Variants in BTAF1 observed in about 807,000 individuals in gnomAD.
BTAF1 encodes the protein TATA-binding protein-associated factor 172.
A neutral mutation model predicts 227.1 loss-of-function variants in BTAF1; 38 were observed. The observed-to-expected ratio is 0.17, with a 90% CI of 0.13 to 0.22. The LOEUF is 0.22. Ranked by LOEUF, BTAF1 falls within the 10% of genes least tolerant of loss-of-function variation. The pLI is 1.00. For synonymous variants in BTAF1, 742 were observed against 751.9 expected, an observed-to-expected ratio of 0.99 and a Z score of 0.21; for missense variants, 1,598 against 2,204.0, an observed-to-expected ratio of 0.73 and a Z score of 5.51.
Position 92,018,933 on chromosome 10 carries a change from C to A in BTAF1, c.4861C>A (p.Gln1621Lys). The A allele has an allele frequency of 1.3e-6, 2 of 1,561,978 alleles. No individual in the cohort carries two copies. The highest frequency in any genetic ancestry group is 1.2e-5 in the South Asian group (1 of 81,262). Residue 1621 changes from glutamine to lysine, a missense_variant and splice_region_variant, in exon 34 of 38, where the codon CAA (glutamine) becomes AAA (lysine). Around this residue, in one of 10 missense-constraint regions of BTAF1, gnomAD observed 205 missense variants for 244.5 expected, o/e 0.84. Transcript: ENST00000265990. ...TGCCCCTAAGCTCTCAGCTTTGAAACAAGTATGTATGTCTTTTAAGTGTTA... is the reference window on the plus strand; with the variant it reads ...TGCCCCTAAGCTCTCAGCTTTGAAAAAAGTATGTATGTCTTTTAAGTGTTA... ...QHAPKLSALK[Q>K]LLLDCGLGNG... is the part of the protein sequence containing the mutation.
At chr10:92,006,298 T>A (rs1311890731) in intron 25 of BTAF1, among the ~76,000 whole-genome samples, 3 of 152,228 alleles carry the variant, frequency 2.0e-5, no homozygotes, top group African/African-American at 7.2e-5. Flanking sequence ...ATTGTGGATA[T>A]TATTTTATCT....
chr10:91,927,980 C>CTTTT (rs60105160), intron 1 of BTAF1, among the ~76,000 whole-genome samples: 2 of 121,570 alleles, frequency 1.6e-5, no homozygotes, highest in South Asian at 2.7e-4. Flanking sequence ...TGCCTTTTTT[C>CTTTT]TTTTTTTTTT....
At chr10:91,925,244 C>G (rs1262405307) in intron 1 of BTAF1, among the ~76,000 whole-genome samples, 16 of 151,908 alleles carry the variant, frequency 1.1e-4, no homozygotes, top group Non-Finnish European at 2.9e-5. Flanking sequence ...AATAAAACTG[C>G]CTTGAGAGAA....
At chr10:91,970,945 G>A (rs141003358) in intron 14 of BTAF1, among the ~76,000 whole-genome samples, 3 of 152,254 alleles carry the variant, frequency 2.0e-5, no homozygotes, top group Admixed American at 6.5e-5. Flanking sequence ...TTTCACAGAC[G>A]TTTTACTGAA....
At chr10:91,974,744 C>T (rs1051438627) in intron 14 of BTAF1, among the ~76,000 whole-genome samples, 6 of 151,938 alleles carry the variant, frequency 3.9e-5, no homozygotes, top group Non-Finnish European at 8.8e-5. Flanking sequence ...CCCTGCTATT[C>T]GGGAGGTTGA....
At chr10:92,011,606 G>A (rs1301090711) in intron 30 of BTAF1, among the ~76,000 whole-genome samples, 191 bp downstream of exon 30, 2 of 152,082 alleles carry the variant, frequency 1.3e-5, no homozygotes, top group African/African-American at 4.8e-5. Flanking sequence ...GGTTTTAAAA[G>A]TCATTTTTAA....
chr10:92,029,542 A>G lies in BTAF1; in HGVS notation c.*609A>G, dbSNP rs1358758215. On this transcript the variant is annotated 3_prime_UTR_variant, in exon 38 of 38. Coordinates refer to ENST00000265990, the MANE Select transcript of BTAF1 (RefSeq NM_003972.3). ...ATTTTTTCAACTTTTAAGATATAAT[A>G]TCAACTATTCTAAATACAGGTAATG... 6.6e-6 allele frequency: 1 copy of G among 151,970 alleles called. No individual in the cohort carries two copies. The highest frequency in any genetic ancestry group is 1.5e-5 in the Non-Finnish European group (1 of 67,884). The allele number at this position is 151,970 out of a possible 1,614,324, so 9.4% of individuals were successfully genotyped here.
chr10:91,969,827 G>A (rs1847166978), intron 14 of BTAF1, among the ~76,000 whole-genome samples: 1 of 152,104 alleles, frequency 6.6e-6, no homozygotes, highest in East Asian at 1.9e-4. Context: ...AGCTGGGCAT[G>A]ATGGTGTCTG....
chr10:91,981,555 A>G (rs1485936516), intron 15 of BTAF1, 88 bp from the exon 16 acceptor site: 44 of 1,355,032 alleles, frequency 3.2e-5, no homozygotes, highest in Non-Finnish European at 4.1e-5. Context: ...TTTCCTACTT[A>G]AAAAAACCTC....
chr10:91,968,564 C>T (rs998000987), intron 14 of BTAF1, among the ~76,000 whole-genome samples: 1 of 152,106 alleles, frequency 6.6e-6, no homozygotes, highest in Non-Finnish European at 1.5e-5. Flanking sequence ...TACCAAGGAG[C>T]GTATCTGCTG....
intron 19 of BTAF1, among the ~76,000 whole-genome samples, chr10:91,987,691 T>C (rs1848498937): frequency 6.6e-6 from 1 of 152,148 alleles, no homozygotes; most frequent in East Asian, 1.9e-4. Flanking sequence ...AACATTATTT[T>C]CCTTTTCCTT....
intron 12 of BTAF1, 98 bp downstream of exon 12, chr10:91,962,776 C>T (rs1846612349): frequency 6.8e-6 from 8 of 1,173,964 alleles, no homozygotes; most frequent in African/African-American, 1.6e-5. Flanking sequence ...TCTCCTTCAT[C>T]TTCAATTTTT....
intron 3 of BTAF1, 65 bp downstream of exon 3, chr10:91,940,131 G>A (rs977909246): frequency 2.7e-5 from 25 of 926,928 alleles, no homozygotes; most frequent in Middle Eastern, 2.4e-4. Context: ...TATAATATGC[G>A]TTTTGTATTT....
chr10:92,015,241 T>C (rs1024088245), intron 32 of BTAF1, among the ~76,000 whole-genome samples: 1 of 152,270 alleles, frequency 6.6e-6, no homozygotes, highest in African/African-American at 2.4e-5. Context: ...AAACTGTTCC[T>C]TGTCTTAGTA....
intron 2 of BTAF1, 48 bp from the exon 3 acceptor site, chr10:91,939,904 C>T (rs781057338): frequency 5.1e-5 from 67 of 1,309,754 alleles, no homozygotes; most frequent in African/African-American, 7.3e-5. Context: ...GGCTACCTTG[C>T]GCAAACAATA....
chr10:91,965,958 A>G (rs1285505844), intron 13 of BTAF1, among the ~76,000 whole-genome samples: 1 of 152,192 alleles, frequency 6.6e-6, no homozygotes, highest in African/African-American at 2.4e-5. Context: ...ATATATTTCA[A>G]ATGCTGCTTA....
chr10:91,942,298 T>TTGTGTGTGGG, intron 3 of BTAF1, 124 bp from the exon 4 acceptor site: 1 of 545,504 alleles, frequency 1.8e-6, no homozygotes, highest in South Asian at 2.7e-5. Context: ...AAAAAAAAGT[T>TTGTGTGTGGG]TGTGTGTGTG....
chr10:92,027,725 C>A (rs1468152023), intron 37 of BTAF1, among the ~76,000 whole-genome samples: 1 of 147,996 alleles, frequency 6.8e-6, no homozygotes, highest in Non-Finnish European at 1.5e-5. Context: ...AGTGTAGATT[C>A]TCAATAAATA....
chr10:91,990,933 C>T (rs1171083761), intron 20 of BTAF1, among the ~76,000 whole-genome samples: 1 of 151,696 alleles, frequency 6.6e-6, no homozygotes, highest in Non-Finnish European at 1.5e-5. Flanking sequence ...ATGGTGAAAC[C>T]CCATCTCTAC....
Sources: gnomAD v4.1 joint callset for allele counts (sites outside exome capture counted in the v4.1 genomes callset) on GRCh38, gnomAD v4.1.1 for gene constraint, gnomAD v4.1.1 regional missense constraint, MANE v1.5 for transcripts, NCBI Gene and HGNC (gene_info 2026-07-23, HGNC 2026-07-21) for gene names.